The following RARB variants were observed in gnomAD, a reference collection of about 807,000 sequenced individuals.
The protein encoded by RARB is HBV-activated protein.
RARB carries 17 observed loss-of-function variants against 51.9 expected under a neutral mutation model. That is an observed-to-expected ratio of 0.33 (90% confidence interval 0.22 to 0.49). RARB has a LOEUF of 0.49. RARB is among the 20% of genes least tolerant of loss of function. RARB has a pLI of 0.99. For missense variants in RARB, 369 were observed against 550.8 expected (o/e 0.67, Z 3.30); for synonymous variants, 215 against 195.4 (o/e 1.10, Z -0.84).
intron 3 of RARB, among the ~76,000 whole-genome samples, chr3:25,103,846 T>G (rs1699449269): frequency 6.6e-6 from 1 of 152,244 alleles, no homozygotes; most frequent in East Asian, 1.9e-4. Flanking sequence ...TCTGTGTCTC[T>G]GCTTTTGATA....
At chr3:25,092,318 C>G (rs1254562144) in intron 3 of RARB, among the ~76,000 whole-genome samples, 8 of 152,082 alleles carry the variant, frequency 5.3e-5, no homozygotes, top group Non-Finnish European at 1.2e-4. Flanking sequence ...GCCTTTTTCT[C>G]TTAGTTTCAT....
At chr3:25,202,359 A>AT (rs1289155567) in intron 5 of RARB, among the ~76,000 whole-genome samples, 23 of 150,764 alleles carry the variant, frequency 1.5e-4, no homozygotes, top group Admixed American at 1.4e-3. Flanking sequence ...TGGTCTATCC[A>AT]TTTTGTTGAT....
At chr3:25,253,895 A>G (rs1322849288) in intron 5 of RARB, among the ~76,000 whole-genome samples, 2 of 152,172 alleles carry the variant, frequency 1.3e-5, no homozygotes, top group East Asian at 1.9e-4. Context: ...GAGAACCTCT[A>G]ATAGACACAA....
chr3:25,395,889 A>G (rs900798119), intron 5 of RARB, among the ~76,000 whole-genome samples: 4 of 152,178 alleles, frequency 2.6e-5, no homozygotes, highest in Admixed American at 2.0e-4. Flanking sequence ...GTTTAGATCC[A>G]TTGCTGGTGA....
intron 2 of RARB, among the ~76,000 whole-genome samples, chr3:24,896,818 T>C (rs1341964463): frequency 1.3e-5 from 2 of 152,108 alleles, no homozygotes; most frequent in African/African-American, 2.4e-5. Flanking sequence ...TCTCCTACAA[T>C]GGAAAAATAG....
chr3:25,018,034 C>G (rs534099257), intron 2 of RARB, among the ~76,000 whole-genome samples: 1 of 152,282 alleles, frequency 6.6e-6, no homozygotes, highest in South Asian at 2.1e-4. Flanking sequence ...ACCCAGCCTC[C>G]AGAACTGTGA....
intron 5 of RARB, among the ~76,000 whole-genome samples, chr3:25,336,096 C>T (rs1231251358): frequency 1.3e-5 from 2 of 150,630 alleles, no homozygotes; most frequent in East Asian, 3.9e-4. Flanking sequence ...TCAAAGCATG[C>T]TGTGATCTTA....
At chr3:25,213,131 A>G (rs1260735810) in intron 5 of RARB, among the ~76,000 whole-genome samples, 1 of 152,186 alleles carries the variant, frequency 6.6e-6, no homozygotes, top group African/African-American at 2.4e-5. Flanking sequence ...TATAGTAAGA[A>G]TATAGTTGAA....
At chr3:25,198,695 A>T (rs1701308174) in intron 5 of RARB, among the ~76,000 whole-genome samples, 1 of 151,886 alleles carries the variant, frequency 6.6e-6, no homozygotes, top group South Asian at 2.1e-4. Context: ...AAGGTGGCCA[A>T]CCTTACTGAG....
chr3:25,000,666 T>C (rs1003393381), intron 2 of RARB, among the ~76,000 whole-genome samples: 1 of 152,154 alleles, frequency 6.6e-6, no homozygotes, highest in Non-Finnish European at 1.5e-5. Flanking sequence ...CAGAATGTCA[T>C]GTGAGTATCT....
intron 5 of RARB, among the ~76,000 whole-genome samples, chr3:25,205,835 T>C (rs1701526731): frequency 6.6e-6 from 1 of 152,078 alleles, no homozygotes; most frequent in South Asian, 2.1e-4. Flanking sequence ...CTCAACCTCC[T>C]GGGCTCAAAT....
At chr3:25,220,043 A>C (rs1701912034) in intron 5 of RARB, among the ~76,000 whole-genome samples, 1 of 152,232 alleles carries the variant, frequency 6.6e-6, no homozygotes, top group South Asian at 2.1e-4. Context: ...GATTATCTTA[A>C]AGAATGCATC....
chr3:25,147,550 T>A (rs1272730490), intron 4 of RARB, among the ~76,000 whole-genome samples: 1 of 152,226 alleles, frequency 6.6e-6, no homozygotes, highest in African/African-American at 2.4e-5. Context: ...CAGTTTTGAA[T>A]GAAAGAAAAG....
chr3:25,300,673 C>G (rs764311435), intron 5 of RARB, among the ~76,000 whole-genome samples: 1 of 152,098 alleles, frequency 6.6e-6, no homozygotes, highest in Non-Finnish European at 1.5e-5. Flanking sequence ...GTTTGAGTCA[C>G]TTTTGGCTGC....
At chr3:25,430,030 A>G (rs896906380) in intron 1 of RARB, among the ~76,000 whole-genome samples, 6 of 152,206 alleles carry the variant, frequency 3.9e-5, no homozygotes, top group African/African-American at 1.4e-4. Context: ...AGAGGGGACA[A>G]TGACAGGATT....
intron 5 of RARB, among the ~76,000 whole-genome samples, chr3:25,200,639 C>T (rs1467689627): frequency 2.0e-5 from 3 of 152,110 alleles, no homozygotes; most frequent in African/African-American, 7.2e-5. Flanking sequence ...GGAAGGGATC[C>T]AGTTTCAGCT....
intron 3 of RARB, among the ~76,000 whole-genome samples, chr3:25,095,773 A>G (rs1699282520): frequency 6.6e-6 from 1 of 152,214 alleles, no homozygotes; most frequent in African/African-American, 2.4e-5. Context: ...CCTCTGGAGA[A>G]GAATGATAGA....
chr3:24,860,262 G>T (rs919932689), intron 2 of RARB, among the ~76,000 whole-genome samples: 1 of 152,106 alleles, frequency 6.6e-6, no homozygotes, highest in Non-Finnish European at 1.5e-5. Flanking sequence ...GATTCTGATT[G>T]TTCTAGGAAT....
At chr3:25,311,124 G>T (rs1206522365) in intron 5 of RARB, among the ~76,000 whole-genome samples, 3 of 152,206 alleles carry the variant, frequency 2.0e-5, no homozygotes, top group Admixed American at 6.5e-5. Context: ...TTCATAGAGG[G>T]TGTCGGGTTT....
Sources: gnomAD v4.1 joint callset for allele counts (sites outside exome capture counted in the v4.1 genomes callset) on GRCh38, gnomAD v4.1.1 for gene constraint, MANE v1.5 for transcripts, NCBI Gene and HGNC (gene_info 2026-07-23, HGNC 2026-07-21) for gene names.